Variants in COL4A3 observed in about 807,000 individuals in gnomAD.
COL4A3 encodes the protein collagen alpha-3(IV) chain.
A neutral mutation model predicts 217.4 loss-of-function variants in COL4A3; 135 were observed. The ratio of observed to expected loss-of-function variants is 0.62; its 90% CI spans 0.54 to 0.72. The LOEUF (loss-of-function observed/expected upper bound fraction) is 0.72. Ranked by LOEUF, COL4A3 falls within the 30% of genes least tolerant of loss-of-function variation. The pLI, the probability that COL4A3 is intolerant of heterozygous loss-of-function variation, is 0.00. For synonymous variants in COL4A3, 690 were observed against 736.3 expected (o/e 0.94, Z 1.02); for missense variants, 1,868 against 2,119.9 (o/e 0.88, Z 2.33).
chr2:227,246,677 TC>T lies in COL4A3; in HGVS notation c.388-7del, dbSNP rs2069360967. On this transcript the variant is annotated splice_polypyrimidine_tract_variant and splice_region_variant and intron_variant, in intron 6 of 51. Transcript: ENST00000396578. ...TAAGAATAATAAGAAACTTTGTATGTCTTTTAGGGTGAGCAGGGGTTTCCAG... is the reference window on the plus strand; with the variant it reads ...TAAGAATAATAAGAAACTTTGTATGTTTTTAGGGTGAGCAGGGGTTTCCAG... 1.9e-6 allele frequency: 3 copies of T among 1,608,470 alleles called. No individual in the cohort carries two copies. The South Asian group carries it at 3.3e-5, about 18-fold the overall frequency.
chr2:227,304,289 C>T, intron 46 of COL4A3, 145 bp downstream of exon 46: 2 of 1,037,582 alleles, frequency 1.9e-6, no homozygotes, highest in Non-Finnish European at 2.9e-6. Flanking sequence ...GGATTGAGCT[C>T]ATTTTACCCT....
chr2:227,253,505 A>T lies in COL4A3; in HGVS notation c.688-56A>T, dbSNP rs1559869502. 6.7e-7 allele frequency: 1 copy of T among 1,486,946 alleles called. No individual in the cohort carries two copies. The highest frequency in any genetic ancestry group is 1.7e-5 in the Admixed American group (1 of 59,872). The allele number at this position is 1,486,946 out of a possible 1,614,324, so 92.1% of individuals were successfully genotyped here. A position where few individuals can be genotyped will look rare whatever the true frequency, so the allele number is the denominator to read the frequency against. On this transcript the variant is annotated intron_variant, in intron 12 of 51. Transcript: ENST00000396578. This position sits in a 1 kb window ranked among gnomAD's most constrained non-coding sequence, Gnocchi z 4.4. ...AAGTAGACCTTTCAAACGTAGTAAC[A>T]TTGAAATGTTGATGCTGTTGTTTAT...
intron 26 of COL4A3, among the ~76,000 whole-genome samples, chr2:227,275,111 A>C (rs751667914): frequency 6.6e-6 from 1 of 152,124 alleles, no homozygotes; most frequent in African/African-American, 2.4e-5. Context: ...ATTTCTTACT[A>C]TCTGGCCCTT....
chr2:227,242,587 G>A (rs964181669), intron 3 of COL4A3, among the ~76,000 whole-genome samples: 1 of 152,014 alleles, frequency 6.6e-6, no homozygotes, highest in Non-Finnish European at 1.5e-5. Context: ...CCCCCATCTG[G>A]GAGCCCACCA....
intron 1 of COL4A3, among the ~76,000 whole-genome samples, chr2:227,184,398 A>G (rs753956806): frequency 2.0e-5 from 3 of 152,254 alleles, no homozygotes; most frequent in Non-Finnish European, 4.4e-5. Context: ...TGACTCAATC[A>G]GTCTCTAAAA....
rs1397623586 is a variant in COL4A3, at chr2:227,277,431, T to C, written c.2021-18T>C. 7.4e-6 allele frequency: 11 copies of C among 1,477,238 alleles called. No individual in the cohort carries two copies. The highest frequency in any genetic ancestry group is 2.3e-5 in the East Asian group (1 of 44,178). 91.5% of individuals were successfully genotyped at this position (1,477,238 alleles called of 1,614,324 possible). A position where few individuals can be genotyped will look rare whatever the true frequency, so the allele number is the denominator to read the frequency against. On this transcript the variant is annotated intron_variant, in intron 27 of 51. Transcript: ENST00000396578. Reference sequence around the variant, plus strand: ...AAAGTTGCTGATGTGGAGATGCATATGTGTATTTGTTTCTAAGGTATCCCT... The same window carrying C: ...AAAGTTGCTGATGTGGAGATGCATACGTGTATTTGTTTCTAAGGTATCCCT...
rs911047323 is a variant in COL4A3 at position 227,287,000 on chromosome 2, C to T, written c.2882-2150C>T. ...AGTTTCCTAGTCATGATGAAAGTTA[C>T]GGTTTAGTGGGGGAAAGACACATAA... On this transcript the variant is annotated intron_variant, in intron 34 of 51. Coordinates refer to ENST00000396578, the MANE Select transcript of COL4A3 (RefSeq NM_000091.5). Among the ~76,000 whole-genome samples the T allele has an allele frequency of 3.3e-5, 5 of 152,160 alleles. 1 individual carries two copies. Among genetic ancestry groups the T allele is most frequent in the African/African-American group, 1.2e-4 (5 of 41,446 alleles).
chr2:227,277,344 T>C, intron 27 of COL4A3, 105 bp from the exon 28 acceptor site: 3 of 687,162 alleles, frequency 4.4e-6, no homozygotes, highest in South Asian at 1.8e-5. Context: ...AAAAAAACAA[T>C]GTGCAAAAGG....
At chr2:227,173,747 ATAT>A (rs1309600211) in intron 1 of COL4A3, among the ~76,000 whole-genome samples, 1 of 152,256 alleles carries the variant, frequency 6.6e-6, no homozygotes, top group Non-Finnish European at 1.5e-5. Context: ...TACATCTGTA[ATAT>A]TATCATTTTA....
At chr2:227,194,684 TA>T (rs1279921908) in intron 1 of COL4A3, among the ~76,000 whole-genome samples, 4 of 151,882 alleles carry the variant, frequency 2.6e-5, no homozygotes, top group African/African-American at 9.7e-5. Context: ...AATTCAAATA[TA>T]AAAAATTAAA....
chr2:227,196,967 TG>T (rs1419882445), intron 1 of COL4A3, among the ~76,000 whole-genome samples: 1 of 152,090 alleles, frequency 6.6e-6, no homozygotes, highest in Non-Finnish European at 1.5e-5. Flanking sequence ...GATTGAATCA[TG>T]GGGGGTAGGT....
At chr2:227,272,009 G>A (rs934438912) in intron 25 of COL4A3, among the ~76,000 whole-genome samples, 4 of 152,204 alleles carry the variant, frequency 2.6e-5, no homozygotes, top group African/African-American at 9.6e-5. Context: ...TGAACTGTGA[G>A]TCTTCCACAT....
At chr2:227,295,495 A>G (rs193269876) in intron 41 of COL4A3, among the ~76,000 whole-genome samples, 179 bp downstream of exon 41, 14 of 152,378 alleles carry the variant, frequency 9.2e-5, no homozygotes, top group African/African-American at 2.4e-4. Flanking sequence ...ATCACAACAA[A>G]TGGAATGAAT....
intron 11 of COL4A3, among the ~76,000 whole-genome samples, chr2:227,252,212 C>CTTTTTT (rs72162625): frequency 3.6e-5 from 3 of 82,852 alleles, no homozygotes; most frequent in African/African-American, 1.3e-4. Flanking sequence ...TTCTTTCTTT[C>CTTTTTT]TTTTTTTTTT....
intron 1 of COL4A3, among the ~76,000 whole-genome samples, chr2:227,172,689 C>T (rs113052559): frequency 1.2e-3 from 173 of 147,288 alleles, no homozygotes; most frequent in African/African-American, 4.3e-3. Context: ...TGGATTCAAG[C>T]AATTCTCCTG....
rs560114997 is a variant in COL4A3, at chr2:227,279,650, A to C, written c.2126-143A>C. On this transcript the variant is annotated intron_variant, in intron 28 of 51. Coordinates refer to ENST00000396578, the MANE Select transcript of COL4A3 (RefSeq NM_000091.5). ...GTAATTTGATTTGGAACTTTTAAAAAATTGCTAATTTATCAGTTGGTTTTA... is the reference window on the plus strand; with the variant it reads ...GTAATTTGATTTGGAACTTTTAAAACATTGCTAATTTATCAGTTGGTTTTA... 263 of 572,448 alleles carry C rather than the reference A, an allele frequency of 4.6e-4. 4 individuals carry two copies. In the South Asian group the frequency reaches 7.3e-3, roughly 16 times the overall value. 35.5% of individuals were successfully genotyped at this position (572,448 alleles called of 1,614,324 possible). A position where few individuals can be genotyped will look rare whatever the true frequency, so the allele number is the denominator to read the frequency against.
At chr2:227,188,731 T>G (rs998102028) in intron 1 of COL4A3, among the ~76,000 whole-genome samples, 3 of 152,232 alleles carry the variant, frequency 2.0e-5, no homozygotes, top group Admixed American at 6.5e-5. Flanking sequence ...TATTATGTGT[T>G]GGGCTTGCCA....
At chr2:227,278,158 C>A (rs1036449200) in intron 28 of COL4A3, among the ~76,000 whole-genome samples, 1 of 150,866 alleles carries the variant, frequency 6.6e-6, no homozygotes, top group African/African-American at 2.4e-5. Context: ...ACTATTAAAT[C>A]ACAAATGGCT....
At chr2:227,293,743 TTC>T in intron 38 of COL4A3, 1 of 471,296 alleles carries the variant, frequency 2.1e-6, no homozygotes, top group South Asian at 1.6e-5. Flanking sequence ...TTTCTCACAG[TTC>T]CAGCAGCTCC....
Sources: gnomAD v4.1 joint callset for allele counts (sites outside exome capture counted in the v4.1 genomes callset) on GRCh38, gnomAD v4.1.1 for gene constraint, Gnocchi (gnomAD v3.1) non-coding constraint, MANE v1.5 for transcripts, NCBI Gene and HGNC (gene_info 2026-07-23, HGNC 2026-07-21) for gene names.